CEP85L: variants seen among roughly 807,000 people sequenced by gnomAD.
The protein encoded by CEP85L is centrosomal protein 85L.
In CEP85L, 60 loss-of-function variants were observed where a neutral mutation model predicts 100.3. That is an observed-to-expected ratio of 0.60 (90% confidence interval 0.49 to 0.74). The LOEUF is 0.74. Ranked by LOEUF, CEP85L falls within the 30% of genes least tolerant of loss-of-function variation. CEP85L has a pLI of 0.00. For missense variants in CEP85L, 973 were observed against 936.2 expected, an observed-to-expected ratio of 1.04 and a Z score of -0.51; for synonymous variants, 319 against 322.7, an observed-to-expected ratio of 0.99 and a Z score of 0.12.
chr6:118,552,066 T>C (rs765206658), intron 3 of CEP85L, among the ~76,000 whole-genome samples: 1 of 152,060 alleles, frequency 6.6e-6, no homozygotes, highest in Non-Finnish European at 1.5e-5. Context: ...ATTCAATCTA[T>C]AGAAAATTCT....
chr6:118,527,345 C>T (rs944807704), intron 3 of CEP85L, among the ~76,000 whole-genome samples: 1 of 152,038 alleles, frequency 6.6e-6, no homozygotes, highest in Non-Finnish European at 1.5e-5. Flanking sequence ...ACTGTCGGCT[C>T]GCTGTTTTCC....
chr6:118,685,459 C>CT (rs2114279399), intron 1 of CEP85L, among the ~76,000 whole-genome samples: 1 of 152,204 alleles, frequency 6.6e-6, no homozygotes, highest in East Asian at 1.9e-4. Flanking sequence ...AAATAAAATA[C>CT]TTTTTGTAAT....
chr6:118,550,125 A>G (rs761955259), intron 3 of CEP85L, among the ~76,000 whole-genome samples: 4 of 151,934 alleles, frequency 2.6e-5, no homozygotes, highest in Non-Finnish European at 5.9e-5. Context: ...AAAACGCATG[A>G]AAGAGCCAGA....
intron 1 of CEP85L, among the ~76,000 whole-genome samples, chr6:118,683,108 G>C (rs1450122462): frequency 6.6e-6 from 1 of 152,222 alleles, no homozygotes; most frequent in African/African-American, 2.4e-5. Context: ...TAGCCTCTAA[G>C]TAGCAGTTGG....
intron 1 of CEP85L, among the ~76,000 whole-genome samples, chr6:118,662,159 T>C (rs1481222284): frequency 6.6e-6 from 1 of 152,212 alleles, no homozygotes; most frequent in Non-Finnish European, 1.5e-5. Flanking sequence ...AAAGGTATTA[T>C]TGCATGCTAA....
At chr6:118,553,173 A>G (rs113254931) in intron 3 of CEP85L, among the ~76,000 whole-genome samples, 1,677 of 151,602 alleles carry the variant, frequency 0.011, 43 homozygotes, top group African/African-American at 0.039. Flanking sequence ...TATGCTTTCC[A>G]TCGAAAAAGT....
Position 118,632,457 on chromosome 6 carries a change from C to CACGCT in CEP85L, c.223_227dup (p.Glu77AlafsTer20). 1 of 1,594,688 alleles carries CACGCT rather than the reference C, an allele frequency of 6.3e-7. No homozygotes were observed. Among genetic ancestry groups the CACGCT allele is most frequent in the Non-Finnish European group, 8.5e-7 (1 of 1,172,544 alleles). ...ACAATAAGAATTTTAGCTCACCTTC[C>CACGCT]ACGCTATCAGAACAGGAAGTTCCAA... On this transcript the variant is annotated frameshift_variant, in exon 2 of 13. Transcript: ENST00000368491. LOFTEE classifies it high-confidence loss of function.
intron 5 of CEP85L, among the ~76,000 whole-genome samples, chr6:118,500,334 C>G (rs113674017): frequency 6.7e-6 from 1 of 148,792 alleles, no homozygotes; most frequent in African/African-American, 2.5e-5. Context: ...AAACAGCAAA[C>G]TATTTATCAT....
chr6:118,664,334 T>G (rs1374107268), intron 1 of CEP85L: 1 of 152,146 alleles, frequency 6.6e-6, no homozygotes, highest in Non-Finnish European at 1.5e-5. Flanking sequence ...TTGAAAATAG[T>G]GAGACAGATA....
chr6:118,634,884 G>A (rs1373802643), intron 1 of CEP85L, among the ~76,000 whole-genome samples: 1 of 151,886 alleles, frequency 6.6e-6, no homozygotes, highest in Non-Finnish European at 1.5e-5. Context: ...AATAGGCTGG[G>A]ACTATATGTA....
At chr6:118,546,589 G>A (rs949542905) in intron 3 of CEP85L, among the ~76,000 whole-genome samples, 1 of 152,082 alleles carries the variant, frequency 6.6e-6, no homozygotes, top group Non-Finnish European at 1.5e-5. Context: ...CTACTCTAAT[G>A]AAAGCTATAT....
At chr6:118,613,147 G>A (rs570394563) in intron 2 of CEP85L, among the ~76,000 whole-genome samples, 134 of 152,014 alleles carry the variant, frequency 8.8e-4, no homozygotes, top group Admixed American at 7.2e-4. Context: ...GCGGGCAGAG[G>A]TTGCAGTGAG....
At chr6:118,645,678 AAAACAAAACAAACAAAC>A (rs1775132804) in intron 1 of CEP85L, among the ~76,000 whole-genome samples, 1 of 152,200 alleles carries the variant, frequency 6.6e-6, no homozygotes, top group Admixed American at 6.5e-5. Context: ...TCTCAAAAAC[AAAACAAAACAAACAAAC>A]AAACAAAACC....
intron 3 of CEP85L, among the ~76,000 whole-genome samples, chr6:118,550,995 A>C (rs563638470): frequency 1.3e-5 from 2 of 151,998 alleles, no homozygotes; most frequent in East Asian, 3.9e-4. Context: ...GACTTTAAAA[A>C]AAATAACACA....
chr6:118,675,287 A>T (rs889316454), intron 1 of CEP85L, among the ~76,000 whole-genome samples: 4 of 152,028 alleles, frequency 2.6e-5, no homozygotes, highest in African/African-American at 9.7e-5. Context: ...TTGTCTATAT[A>T]TATAGGCAAA....
chr6:118,659,207 C>T (rs991743916), intron 1 of CEP85L, among the ~76,000 whole-genome samples: 1 of 152,132 alleles, frequency 6.6e-6, no homozygotes, highest in Non-Finnish European at 1.5e-5. Context: ...TACAAGTGCT[C>T]ACACGGAATA....
intron 3 of CEP85L, among the ~76,000 whole-genome samples, chr6:118,542,918 A>C (rs1326726950): frequency 6.7e-6 from 1 of 150,328 alleles, no homozygotes; most frequent in African/African-American, 2.4e-5. Context: ...AAAAAAAAAA[A>C]AAAAACAGGA....
intron 7 of CEP85L, among the ~76,000 whole-genome samples, chr6:118,482,906 G>A (rs12202932): frequency 0.03 from 4,500 of 152,228 alleles, 112 homozygotes; most frequent in African/African-American, 0.057. Context: ...TTAGATTCTT[G>A]AGTGGGGGTA....
intron 3 of CEP85L, among the ~76,000 whole-genome samples, chr6:118,551,799 T>A (rs1778562213): frequency 6.6e-6 from 1 of 152,020 alleles, no homozygotes; most frequent in Non-Finnish European, 1.5e-5. Context: ...AGCTCTGGAA[T>A]GTTGCTACCA....
Sources: allele counts gnomAD v4.1 joint callset (sites outside exome capture counted in the v4.1 genomes callset), GRCh38; gene constraint gnomAD v4.1.1; transcripts MANE v1.5; gene names NCBI Gene and HGNC (gene_info 2026-07-23, HGNC 2026-07-21).